Variants in PALM2AKAP2 observed in about 807,000 individuals in gnomAD.
The protein encoded by PALM2AKAP2 is PALM2-AKAP2 fusion protein.
In PALM2AKAP2, 37 loss-of-function variants were observed where a neutral mutation model predicts 71.5. The ratio of observed to expected loss-of-function variants is 0.52; its 90% confidence interval spans 0.40 to 0.68. PALM2AKAP2 has a LOEUF of 0.68. Among genes scored for constraint, PALM2AKAP2 ranks in the 30% least tolerant of loss-of-function variants. The pLI is 0.00. For missense variants in PALM2AKAP2, 1,224 were observed against 1,191.8 expected, an observed-to-expected ratio of 1.03 and a Z score of -0.40; for synonymous variants, 468 against 478.8, an observed-to-expected ratio of 0.98 and a Z score of 0.29.
intron 2 of PALM2AKAP2, among the ~76,000 whole-genome samples, chr9:109,875,875 G>A (rs1234825063): frequency 2.0e-5 from 3 of 152,148 alleles, no homozygotes; most frequent in African/African-American, 7.2e-5. Flanking sequence ...AGTTCCTTCT[G>A]TCCTCCTTTC....
chr9:109,799,800 A>G (rs1249706191), intron 1 of PALM2AKAP2, among the ~76,000 whole-genome samples: 1 of 152,186 alleles, frequency 6.6e-6, no homozygotes, highest in African/African-American at 2.4e-5. Flanking sequence ...GGCCACCATT[A>G]GGTTTTTAAC....
At chr9:109,957,473 T>C (rs1588032620) in intron 6 of PALM2AKAP2, among the ~76,000 whole-genome samples, 2 of 152,312 alleles carry the variant, frequency 1.3e-5, no homozygotes, top group South Asian at 2.1e-4. Flanking sequence ...GTAAACTGGC[T>C]CAGCACTAGA....
chr9:109,972,416 A>T (rs1337768506), intron 6 of PALM2AKAP2, among the ~76,000 whole-genome samples: 1 of 152,204 alleles, frequency 6.6e-6, no homozygotes, highest in African/African-American at 2.4e-5. Context: ...GGTGAGTATG[A>T]CTCAGTCTGG....
intron 6 of PALM2AKAP2, among the ~76,000 whole-genome samples, chr9:109,973,893 A>G (rs1564240877): frequency 1.3e-5 from 2 of 152,300 alleles, no homozygotes; most frequent in South Asian, 2.1e-4. Flanking sequence ...TCATTTTCAT[A>G]TAGATGTTGT....
intron 1 of PALM2AKAP2, among the ~76,000 whole-genome samples, chr9:109,644,346 A>C (rs1827116892): frequency 6.6e-6 from 1 of 152,170 alleles, no homozygotes; most frequent in African/African-American, 2.4e-5. Flanking sequence ...CCCACTTTGA[A>C]TATGAGTGAA....
intron 5 of PALM2AKAP2, among the ~76,000 whole-genome samples, 155 bp downstream of exon 5, chr9:109,925,237 C>T (rs1830929672): frequency 6.6e-6 from 1 of 152,212 alleles, no homozygotes; most frequent in Non-Finnish European, 1.5e-5. Context: ...AGGAGGTCCA[C>T]ATTCCAAGCC....
At chr9:109,985,175 C>CA (rs905065937) in intron 6 of PALM2AKAP2, among the ~76,000 whole-genome samples, 3 of 151,546 alleles carry the variant, frequency 2.0e-5, no homozygotes, top group Admixed American at 2.0e-4. Context: ...GACTCCGTCT[C>CA]AAAAAAACAA....
chr9:109,770,917 G>C (rs1362595822), intron 1 of PALM2AKAP2, among the ~76,000 whole-genome samples: 1 of 152,170 alleles, frequency 6.6e-6, no homozygotes, highest in African/African-American at 2.4e-5. Flanking sequence ...CTTATGAAAT[G>C]AATACTATTG....
chr9:109,897,279 T>C (rs768255210), intron 3 of PALM2AKAP2, among the ~76,000 whole-genome samples: 2 of 152,150 alleles, frequency 1.3e-5, no homozygotes, highest in Non-Finnish European at 2.9e-5. Flanking sequence ...CATGTATAAA[T>C]TGCTTAAAAT....
intron 3 of PALM2AKAP2, among the ~76,000 whole-genome samples, chr9:110,164,307 G>A (rs751699009): frequency 1.8e-4 from 28 of 152,176 alleles, no homozygotes; most frequent in Middle Eastern, 6.8e-3. Flanking sequence ...AATATGAATA[G>A]GGTGATATTA....
chr9:109,770,997 T>A (rs978244752), intron 1 of PALM2AKAP2, among the ~76,000 whole-genome samples: 1 of 152,212 alleles, frequency 6.6e-6, no homozygotes, highest in Admixed American at 6.5e-5. Context: ...GGTCATTAAG[T>A]GGTAAGAACT....
intron 1 of PALM2AKAP2, among the ~76,000 whole-genome samples, chr9:110,107,453 G>A (rs1835144748): frequency 6.6e-6 from 1 of 152,252 alleles, no homozygotes; most frequent in South Asian, 2.1e-4. Context: ...GAGTCGGGGT[G>A]GAGATGATAA....
chr9:110,138,645 A>G, intron 2 of PALM2AKAP2, 106 bp downstream of exon 8: 1 of 1,443,448 alleles, frequency 6.9e-7, no homozygotes. Flanking sequence ...TGTCTGGAAT[A>G]AGTGTTGGGG....
intron 1 of PALM2AKAP2, among the ~76,000 whole-genome samples, chr9:109,691,174 T>TACACACAC (rs56966509): frequency 0.027 from 4,009 of 147,510 alleles, 102 homozygotes; most frequent in African/African-American, 0.067. Context: ...CTTTGAATTT[T>TACACACAC]ACACACACAC....
chr9:109,785,743 C>T (rs1284204260), intron 1 of PALM2AKAP2, among the ~76,000 whole-genome samples: 2 of 152,192 alleles, frequency 1.3e-5, no homozygotes, highest in African/African-American at 4.8e-5. Context: ...TACCATGTCC[C>T]TCCCACAACA....
At chr9:109,830,335 C>A (rs147264478) in intron 1 of PALM2AKAP2, among the ~76,000 whole-genome samples, 185 of 152,288 alleles carry the variant, frequency 1.2e-3, no homozygotes, top group African/African-American at 4.3e-3. Flanking sequence ...ATAGGGTCAG[C>A]AGGCTTTGTA....
intron 3 of PALM2AKAP2, among the ~76,000 whole-genome samples, chr9:109,905,992 C>CA (rs981340083): frequency 6.0e-5 from 9 of 150,582 alleles, no homozygotes; most frequent in Non-Finnish European, 1.0e-4. Context: ...AACTTTTTTA[C>CA]AAAAAAGAGA....
intron 7 of PALM2AKAP2, among the ~76,000 whole-genome samples, chr9:110,039,703 G>A (rs1833479057): frequency 1.3e-5 from 2 of 152,132 alleles, no homozygotes; most frequent in Admixed American, 1.3e-4. Context: ...AGTAGCAGCA[G>A]CAGCAGCAGC....
At position 110,005,998 on chromosome 9, in the gene PALM2AKAP2, C is replaced by T. The variant is rs1166017353; in HGVS notation, c.497-9956C>T. On this transcript the variant is annotated intron_variant, in intron 6 of 9. Transcript: ENST00000302798. The stretch of plus-strand genomic sequence containing the variant: ...CCAGGTGAGGCAATGCCTCACCCTG[C>T]TTCGGCTCATGCTTGGTGTGCTGCA... Among the ~76,000 whole-genome samples, 9 of 152,282 alleles carry T rather than the reference C, an allele frequency of 5.9e-5. 1 individual carries two copies. Among genetic ancestry groups the T allele is most frequent in the African/African-American group, 1.7e-4 (7 of 41,558 alleles).
Sources: gnomAD v4.1 joint callset for allele counts (sites outside exome capture counted in the v4.1 genomes callset) on GRCh38, gnomAD v4.1.1 for gene constraint, MANE v1.5 for transcripts, NCBI Gene and HGNC (gene_info 2026-07-23, HGNC 2026-07-21) for gene names.